Variants in MIA3 observed in about 807,000 individuals in gnomAD.
MIA3 encodes the protein transport and Golgi organization protein 1 homolog.
In MIA3, 90 loss-of-function variants were observed where a neutral mutation model predicts 192.4. The observed-to-expected ratio is 0.47, with a 90% CI of 0.39 to 0.56. The LOEUF is 0.56. Among genes scored for constraint, MIA3 ranks in the 20% least tolerant of loss-of-function variants. MIA3 has a pLI of 0.00. For missense variants in MIA3, 2,123 were observed against 2,269.4 expected (o/e 0.94, Z 1.31); for synonymous variants, 740 against 792.8 (o/e 0.93, Z 1.12).
At chr1:222,655,132 G>C (rs1385025341) in intron 18 of MIA3, among the ~76,000 whole-genome samples, 1 of 152,204 alleles carries the variant, frequency 6.6e-6, no homozygotes, top group Non-Finnish European at 1.5e-5. Flanking sequence ...GGTCAATTAT[G>C]TAATTTCCTT....
Position 222,654,712 on chromosome 1 carries a change from T to C in MIA3, c.4526T>C (p.Leu1509Pro), listed in dbSNP as rs756876050. The C allele has an allele frequency of 6.2e-7, 1 of 1,614,160 alleles. No individual in the cohort carries two copies. The highest frequency in any genetic ancestry group is 8.5e-7 in the Non-Finnish European group (1 of 1,179,978). Residue 1509 changes from leucine (L) to proline (P), a missense_variant, in exon 18 of 28, where the codon CTG (leucine) becomes CCG (proline). Leu to Pro is a moderately conservative substitution (Grantham distance 98). Around this residue, in one of 3 missense-constraint regions of MIA3, gnomAD observed 762 missense variants for 856.4 expected, o/e 0.89. Coordinates refer to ENST00000344922, the MANE Select transcript of MIA3 (RefSeq NM_198551.4). The part of the protein sequence containing the change: ...RNSLQAAKAG[L>P]EDECKTLRQK... Reference sequence around the variant, plus strand: ...TCACTACAAGCTGCCAAAGCTGGACTGGAAGATGAATGCAAAACCTTGAGG... The same window carrying C: ...TCACTACAAGCTGCCAAAGCTGGACCGGAAGATGAATGCAAAACCTTGAGG...
At position 222,628,525 on chromosome 1, in the gene MIA3, T is replaced by A. The variant is rs764580890; in HGVS notation, c.1305T>A (p.Ser435Arg). The A allele has an allele frequency of 1.2e-6, 2 of 1,614,120 alleles. No individual in the cohort carries two copies. Among genetic ancestry groups the A allele is most frequent in the East Asian group, 4.5e-5 (2 of 44,880 alleles). ...QGKPQSATDY[S>R]DPDNVDDGLF... ...AACCACAGTCAGCAACAGATTATAG[T>A]GACCCTGACAATGTAGATGATGGTC... Residue 435 changes from serine (S) to arginine (R), a missense_variant, in exon 4 of 28, where the codon AGT becomes AGA. Around this residue, in one of 3 missense-constraint regions of MIA3, gnomAD observed 1,357 missense variants for 1,396.1 expected, o/e 0.97. Transcript: ENST00000344922.
Position 222,645,572 on chromosome 1 carries a change from G to A in MIA3, c.3496G>A (p.Asp1166Asn). Residue 1166 changes from aspartate (D) to asparagine (N), a missense_variant, in exon 7 of 28, where the codon GAT becomes AAT. Asp to Asn is a conservative substitution (Grantham distance 23). Coordinates refer to ENST00000344922, the MANE Select transcript of MIA3 (RefSeq NM_198551.4). ...LTKSLVATLP[D>N]DVQPGPDFYG... ...CATTCAGCTAGTTGCTACATTGCCT[G>A]ATGATGTTCAGCCTGGGCCTGATTT... is the stretch of plus-strand genomic sequence containing the variant. 6.2e-7 allele frequency: 1 copy of A among 1,611,846 alleles called. No individual in the cohort carries two copies. Among genetic ancestry groups the A allele is most frequent in the Non-Finnish European group, 8.5e-7 (1 of 1,178,814 alleles).
At position 222,630,195 on chromosome 1, in the gene MIA3, A is replaced by C; in HGVS notation, c.2975A>C (p.Lys992Thr). The C allele has an allele frequency of 1.2e-6, 2 of 1,614,202 alleles. No individual in the cohort carries two copies. Among genetic ancestry groups the C allele is most frequent in the East Asian group, 4.5e-5 (2 of 44,882 alleles). The part of the protein sequence containing the change: ...SESQILSIAE[K>T]MLDTRVAENR... Reference sequence around the variant, plus strand: ...TCACAAATTCTGAGCATAGCAGAAAAAATGCTTGATACTCGTGTGGCTGAA... The same window carrying C: ...TCACAAATTCTGAGCATAGCAGAAACAATGCTTGATACTCGTGTGGCTGAA... Residue 992 changes from lysine (K) to threonine (T), a missense_variant, in exon 4 of 28, where the codon AAA becomes ACA. By Grantham distance (78) the Lys-to-Thr change is moderately conservative. Around this residue, in one of 3 missense-constraint regions of MIA3, gnomAD observed 1,357 missense variants for 1,396.1 expected, o/e 0.97. Transcript: ENST00000344922.
In MIA3 at chr1:222,666,655, T is replaced by A. The variant is rs1664301820; in HGVS notation, c.*1036T>A. 7.9e-6 allele frequency: 1 copy of A among 125,950 alleles called. No individual in the cohort carries two copies. Among genetic ancestry groups the A allele is most frequent in the Admixed American group, 9.9e-5 (1 of 10,052 alleles). 7.8% of individuals were successfully genotyped at this position (125,950 alleles called of 1,614,324 possible). Reference sequence around the variant, plus strand: ...GGACTGTGAGGGTTATAACATGCCCTAGGTCAGCAACCAAGGGTTGAAATC... The same window carrying A: ...GGACTGTGAGGGTTATAACATGCCCAAGGTCAGCAACCAAGGGTTGAAATC... On this transcript the variant is annotated 3_prime_UTR_variant, in exon 28 of 28. Coordinates refer to ENST00000344922, the MANE Select transcript of MIA3 (RefSeq NM_198551.4).
intron 18 of MIA3, among the ~76,000 whole-genome samples, chr1:222,656,273 A>G (rs542747027): frequency 4.0e-4 from 61 of 152,036 alleles, no homozygotes; most frequent in African/African-American, 1.4e-3. Context: ...CGCCCGGCCA[A>G]AGAATATACT....
chr1:222,661,388 TTTCCTC>T (rs1664003433), intron 24 of MIA3: 1 of 152,578 alleles, frequency 6.6e-6, no homozygotes, highest in Admixed American at 6.5e-5. Context: ...TATAAATACA[TTTCCTC>T]TTCCTTATGA....
At chr1:222,655,962 CCTTTTTTTTTTTTTTTT>C (rs1021307274) in intron 18 of MIA3, among the ~76,000 whole-genome samples, 1 of 71,278 alleles carries the variant, frequency 1.4e-5, no homozygotes, top group Non-Finnish European at 2.5e-5. Flanking sequence ...ACTTTCTTTC[CCTTTTTTTTTTTTTTTT>C]TTTTTTTTGA....
chr1:222,651,839 C>T, intron 11 of MIA3, 138 bp from the exon 12 acceptor site: 2 of 666,320 alleles, frequency 3.0e-6, no homozygotes, highest in Non-Finnish European at 5.4e-6. Context: ...GAGGGCAAAA[C>T]TGAAACACCT....
chr1:222,627,018 A>G (rs1006111671), intron 3 of MIA3, among the ~76,000 whole-genome samples: 1 of 152,234 alleles, frequency 6.6e-6, no homozygotes, highest in Admixed American at 6.5e-5. Context: ...AACCCAATAA[A>G]TGACACCTTA....
At position 222,629,030 on chromosome 1, in the gene MIA3, G is replaced by A; in HGVS notation, c.1810G>A (p.Ala604Thr). The change falls in exon 4 of 28, where the codon GCC (alanine) becomes ACC (threonine). Residue 604 changes from alanine to threonine, a missense_variant. Around this residue, in one of 3 missense-constraint regions of MIA3, gnomAD observed 1,357 missense variants for 1,396.1 expected, o/e 0.97. Coordinates refer to ENST00000344922, the MANE Select transcript of MIA3 (RefSeq NM_198551.4). ...SVEGDALVNG[A>T]KLHTLSVEHQ... ...GGAGGGAGACGCTTTGGTAAATGGG[G>A]CCAAACTGCACACGCTTTCAGTGGA... 3 of 1,614,172 alleles carry A rather than the reference G, an allele frequency of 1.9e-6. No individual in the cohort carries two copies. Among genetic ancestry groups the A allele is most frequent in the Non-Finnish European group, 2.5e-6 (3 of 1,180,040 alleles).
rs765867998 is a variant in MIA3 at position 222,653,243 on chromosome 1, A to G, written c.4225A>G (p.Ile1409Val). The G allele has an allele frequency of 3.7e-6, 6 of 1,612,984 alleles. No individual in the cohort carries two copies. The highest frequency in any genetic ancestry group is 1.7e-4 in the Middle Eastern group (1 of 6,060). Residue 1409 changes from isoleucine to valine, a missense_variant, in exon 15 of 28, where the codon ATT becomes GTT. This residue lies in a region of MIA3 where 762 missense variants were observed against 856.4 expected (regional missense o/e 0.89). Transcript: ENST00000344922. The part of the protein sequence containing the change: ...DDNINALTNC[I>V]TQLNLLECES... Reference sequence around the variant, plus strand: ...TCTTTTCTAGGCTTTGACTAACTGCATTACACAGTTGAATCTGTTAGAGTG... The same window carrying G: ...TCTTTTCTAGGCTTTGACTAACTGCGTTACACAGTTGAATCTGTTAGAGTG...
At position 222,629,495 on chromosome 1, in the gene MIA3, C is replaced by G. The variant is rs1400135998; in HGVS notation, c.2275C>G (p.Gln759Glu). The G allele has an allele frequency of 2.5e-6, 4 of 1,613,978 alleles. No individual in the cohort carries two copies. The highest frequency in any genetic ancestry group is 3.4e-6 in the Non-Finnish European group (4 of 1,180,040). Residue 759 changes from glutamine to glutamate, a missense_variant, in exon 4 of 28, where the codon CAA (glutamine) becomes GAA (glutamate). Coordinates refer to ENST00000344922, the MANE Select transcript of MIA3 (RefSeq NM_198551.4). ...NQGRQFDVNL[Q>E]VPDRAVLGTI... is the part of the protein sequence containing the mutation. Reference sequence around the variant, plus strand: ...GGGCAGGCAGTTTGATGTTAATCTGCAAGTCCCTGACAGAGCAGTTTTAGG... The same window carrying G: ...GGGCAGGCAGTTTGATGTTAATCTGGAAGTCCCTGACAGAGCAGTTTTAGG...
chr1:222,655,613 C>G (rs1383134229), intron 18 of MIA3, among the ~76,000 whole-genome samples: 2 of 152,198 alleles, frequency 1.3e-5, no homozygotes, highest in African/African-American at 4.8e-5. Flanking sequence ...TTCTCTAATT[C>G]TTTGCTCACC....
At chr1:222,618,549 G>T (rs989015295) in intron 1 of MIA3, among the ~76,000 whole-genome samples, 1 of 152,194 alleles carries the variant, frequency 6.6e-6, no homozygotes, top group African/African-American at 2.4e-5. Flanking sequence ...GCTTGCGGTG[G>T]TCCCCGGCTT....
At position 222,646,514 on chromosome 1, in the gene MIA3, G is replaced by A. The variant is rs572574665; in HGVS notation, c.3609+829G>A. ...CACCTGTAATACCAGCACTTTGGGA[G>A]GCGGAGGCGGGTGGATCACATAAGG... On this transcript the variant is annotated intron_variant, in intron 7 of 27. Transcript: ENST00000344922. Among the ~76,000 whole-genome samples the A allele has an allele frequency of 2.5e-4, 38 of 152,228 alleles. No homozygotes were observed. The South Asian group carries it at 4.4e-3, about 17-fold the overall frequency.
chr1:222,662,504 C>T (rs1175496014), intron 26 of MIA3, 172 bp downstream of exon 26: 1 of 1,425,582 alleles, frequency 7.0e-7, no homozygotes, highest in Non-Finnish European at 9.2e-7. Context: ...CCCAGCATTA[C>T]ATCTTTGGCT....
At chr1:222,661,347 G>A (rs567502355) in intron 24 of MIA3, 31 of 152,384 alleles carry the variant, frequency 2.0e-4, no homozygotes, top group African/African-American at 7.0e-4. Flanking sequence ...AACAGACCAT[G>A]TACACGTACA....
Position 222,664,119 on chromosome 1 carries a change from T to G in MIA3, c.5384T>G (p.Phe1795Cys). ...CCACCACCTCAGCTCTGCGGACCTT[T>G]TGGGCCTCGGCCACTTCCTCCACCC... ...YGPPPQLCGP[F>C]GPRPLPPPFG... is the part of the protein sequence containing the mutation. The change falls in exon 27 of 28, where the codon TTT becomes TGT. Residue 1795 changes from phenylalanine to cysteine, a missense_variant. Transcript: ENST00000344922. 1 of 1,614,174 alleles carries G rather than the reference T, an allele frequency of 6.2e-7. No homozygotes were observed. Among genetic ancestry groups the G allele is most frequent in the Non-Finnish European group, 8.5e-7 (1 of 1,180,016 alleles).
Sources: gnomAD v4.1 joint callset for allele counts (sites outside exome capture counted in the v4.1 genomes callset) on GRCh38, gnomAD v4.1.1 for gene constraint, gnomAD v4.1.1 regional missense constraint, MANE v1.5 for transcripts, NCBI Gene and HGNC (gene_info 2026-07-23, HGNC 2026-07-21) for gene names.